The following ENOX2 variants were observed in gnomAD, a reference collection of about 807,000 sequenced individuals.
ENOX2 encodes APK1 antigen.
Under a neutral mutation model 45.0 loss-of-function variants are expected in ENOX2, and 36 were observed. The ratio of observed to expected loss-of-function variants is 0.80; its 90% CI spans 0.61 to 1.06. The LOEUF (loss-of-function observed/expected upper bound fraction) is 1.06, where lower values mean the gene tolerates loss of function less well. ENOX2 is among the 50% of genes least tolerant of loss of function. The probability of loss-of-function intolerance (pLI) is 0.00; values close to 1 mark genes in which losing one functional copy is unlikely to be tolerated. For missense variants in ENOX2, 423 were observed against 462.5 expected (o/e 0.91, Z 0.78); for synonymous variants, 174 against 152.3 (o/e 1.14, Z -1.05).
chrX:130,827,385 A>C (rs377582519), intron 2 of ENOX2, among the ~76,000 whole-genome samples: 2 of 111,793 alleles, frequency 1.8e-5, no homozygotes, highest in Admixed American at 1.9e-4. Flanking sequence ...CTCATTCTCT[A>C]AAAGCCTCAG....
chrX:130,885,745 C>T (rs2078891757), intron 2 of ENOX2, among the ~76,000 whole-genome samples: 1 of 111,973 alleles, frequency 8.9e-6, no homozygotes, highest in Non-Finnish European at 1.9e-5. Context: ...TAACAAAGTC[C>T]AGCATTTTTC....
chrX:130,866,962 T>C (rs1016978647), intron 2 of ENOX2, among the ~76,000 whole-genome samples: 1 of 110,347 alleles, frequency 9.1e-6, no homozygotes, highest in Non-Finnish European at 1.9e-5. Flanking sequence ...CTTTGGTTTT[T>C]GTAGGTTATA....
chrX:130,773,241 C>T (rs759734691), intron 3 of ENOX2, among the ~76,000 whole-genome samples: 15 of 112,002 alleles, frequency 1.3e-4, no homozygotes, highest in Non-Finnish European at 2.6e-4. Flanking sequence ...GGTATTATTA[C>T]CTCTATTTTG....
chrX:130,787,437 C>T (rs956034874), intron 2 of ENOX2, among the ~76,000 whole-genome samples: 1 of 111,716 alleles, frequency 9.0e-6, no homozygotes, highest in South Asian at 3.7e-4. Flanking sequence ...ACTATTATAA[C>T]ATTGAATTTC....
At chrX:130,796,753 A>G (rs1413186860) in intron 2 of ENOX2, among the ~76,000 whole-genome samples, 1 of 111,784 alleles carries the variant, frequency 8.9e-6, no homozygotes, top group African/African-American at 3.3e-5. Context: ...TTATTAGAAA[A>G]TCTTAACATT....
chrX:130,864,688 A>C (rs887713903), intron 2 of ENOX2, among the ~76,000 whole-genome samples: 1 of 112,146 alleles, frequency 8.9e-6, no homozygotes, highest in Non-Finnish European at 1.9e-5. Context: ...CCAAAACTGA[A>C]ATAAACAAAT....
intron 11 of ENOX2, among the ~76,000 whole-genome samples, chrX:130,636,546 T>C (rs1361434886): frequency 8.9e-6 from 1 of 112,554 alleles, no homozygotes; most frequent in Non-Finnish European, 1.9e-5. Context: ...TGATATCTTT[T>C]AAACTGTAGG....
At chrX:130,647,157 T>C (rs2036258116) in intron 10 of ENOX2, among the ~76,000 whole-genome samples, 1 of 112,191 alleles carries the variant, frequency 8.9e-6, no homozygotes, top group Non-Finnish European at 1.9e-5. Flanking sequence ...AATTTTCTTT[T>C]GCCACTTAAA....
At chrX:130,674,211 T>C (rs1434702433) in intron 6 of ENOX2, among the ~76,000 whole-genome samples, 2 of 110,675 alleles carry the variant, frequency 1.8e-5, no homozygotes, top group African/African-American at 6.6e-5. Flanking sequence ...ATTTGGGTGA[T>C]GGGTATACTA....
At chrX:130,707,529 C>CAG (rs2038070127) in intron 3 of ENOX2, among the ~76,000 whole-genome samples, 1 of 110,707 alleles carries the variant, frequency 9.0e-6, no homozygotes, top group African/African-American at 3.3e-5. Context: ...CACACACACA[C>CAG]ACACACACAC....
At chrX:130,695,810 C>T (rs1307828530) in intron 4 of ENOX2, among the ~76,000 whole-genome samples, 2 of 111,518 alleles carry the variant, frequency 1.8e-5, no homozygotes, top group African/African-American at 3.3e-5. Context: ...CTCCTTTCTA[C>T]ATAGTTTCTT....
At chrX:130,784,277 T>C (rs190090413) in intron 2 of ENOX2, among the ~76,000 whole-genome samples, 5 of 111,570 alleles carry the variant, frequency 4.5e-5, no homozygotes, top group African/African-American at 1.3e-4. Flanking sequence ...GTTAATCTCA[T>C]TCTCTTCAAA....
intron 3 of ENOX2, among the ~76,000 whole-genome samples, chrX:130,729,510 T>C (rs2038685800): frequency 9.0e-6 from 1 of 111,309 alleles, no homozygotes; most frequent in African/African-American, 3.3e-5. Context: ...ACCGTGACTA[T>C]TTTTTTTGCT....
chrX:130,842,794 C>T (rs1341643745), intron 2 of ENOX2, among the ~76,000 whole-genome samples: 1 of 111,156 alleles, frequency 9.0e-6, no homozygotes, highest in Non-Finnish European at 1.9e-5. Flanking sequence ...TCTTAAGTGC[C>T]AGTGTTTTCT....
At chrX:130,692,296 G>A (rs2037621531) in intron 4 of ENOX2, among the ~76,000 whole-genome samples, 2 of 113,356 alleles carry the variant, frequency 1.8e-5, no homozygotes, top group African/African-American at 3.2e-5. Context: ...GAACACCAGA[G>A]GAATTATCTC....
At chrX:130,685,565 A>G (rs942678385) in intron 5 of ENOX2, among the ~76,000 whole-genome samples, 3 of 112,418 alleles carry the variant, frequency 2.7e-5, no homozygotes, top group Non-Finnish European at 3.8e-5. Context: ...TTACAGACAT[A>G]TGTTGTTAGG....
rs17316108 is a variant in ENOX2 at position 130,659,033 on chromosome X, A to C, written c.1015-2338T>G. ...AACTGTGCATTTTGAAGCAGCTTGC[A>C]ATCATTTAGAGGCCAATTAATGCCT... On this transcript the variant is annotated intron_variant, in intron 9 of 14. Transcript: ENST00000394363. Among the ~76,000 whole-genome samples, 842 of 112,214 alleles carry C rather than the reference A, an allele frequency of 7.5e-3. 2 individuals are homozygous for C. Among genetic ancestry groups the C allele is most frequent in the Non-Finnish European group, 0.013 (680 of 53,268 alleles).
intron 2 of ENOX2, among the ~76,000 whole-genome samples, chrX:130,892,829 A>G (rs1220694307): frequency 2.7e-5 from 3 of 112,714 alleles, no homozygotes; most frequent in African/African-American, 9.7e-5. Flanking sequence ...ATGCATAAAA[A>G]AATTTTTTAA....
chrX:130,865,490 C>A (rs1274022579), intron 2 of ENOX2, among the ~76,000 whole-genome samples: 1 of 112,088 alleles, frequency 8.9e-6, no homozygotes, highest in Non-Finnish European at 1.9e-5. Flanking sequence ...AGGTTTGTAT[C>A]TGAAGATGTT....
Sources: allele counts gnomAD v4.1 joint callset (sites outside exome capture counted in the v4.1 genomes callset), GRCh38; gene constraint gnomAD v4.1.1; transcripts MANE v1.5; gene names NCBI Gene and HGNC (gene_info 2026-07-23, HGNC 2026-07-21).